THEMIS: variants seen among roughly 807,000 people sequenced by gnomAD.
The protein encoded by THEMIS is protein THEMIS.
THEMIS carries 37 observed loss-of-function variants against 52.6 expected under a neutral mutation model. The observed-to-expected ratio is 0.70, with a 90% confidence interval of 0.54 to 0.93. THEMIS has a LOEUF of 0.93. THEMIS is among the 40% of genes least tolerant of loss of function. THEMIS has a pLI of 0.00. For synonymous variants in THEMIS, 292 were observed against 272.7 expected (o/e 1.07, Z -0.70); for missense variants, 808 against 763.1 (o/e 1.06, Z -0.69).
intron 3 of THEMIS, among the ~76,000 whole-genome samples, chr6:127,819,557 TC>T (rs1215272494): frequency 1.3e-5 from 2 of 152,086 alleles, no homozygotes; most frequent in Non-Finnish European, 2.9e-5. Flanking sequence ...AAACACCTTA[TC>T]TATAGAGGAA....
At chr6:127,783,473 T>A (rs1222987650) in intron 4 of THEMIS, among the ~76,000 whole-genome samples, 1 of 152,028 alleles carries the variant, frequency 6.6e-6, no homozygotes, top group Non-Finnish European at 1.5e-5. Flanking sequence ...TGGGAGAAAA[T>A]TGTTGCAATC....
chr6:127,762,981 A>G (rs1480868060), intron 4 of THEMIS, among the ~76,000 whole-genome samples: 2 of 151,948 alleles, frequency 1.3e-5, no homozygotes, highest in African/African-American at 4.8e-5. Flanking sequence ...ATAATTGGAG[A>G]CCCATACAAC....
chr6:127,756,550 C>T (rs1775833926), intron 4 of THEMIS, among the ~76,000 whole-genome samples: 1 of 152,172 alleles, frequency 6.6e-6, no homozygotes, highest in Non-Finnish European at 1.5e-5. Flanking sequence ...CTCTGTCACT[C>T]AGCTGCATCA....
At chr6:127,842,143 G>T (rs1174831569) in intron 2 of THEMIS, among the ~76,000 whole-genome samples, 2 of 151,696 alleles carry the variant, frequency 1.3e-5, no homozygotes, top group Non-Finnish European at 2.9e-5. Flanking sequence ...TATATTTTTT[G>T]CATAATAATT....
At position 127,709,811 on chromosome 6, in the gene THEMIS, G is replaced by C; in HGVS notation, c.*174C>G. 1.7e-6 allele frequency: 1 copy of C among 588,750 alleles called. No individual in the cohort carries two copies. The highest frequency in any genetic ancestry group is 2.2e-5 in the South Asian group (1 of 46,370). The allele number at this position is 588,750 out of a possible 1,614,324, so 36.5% of individuals were successfully genotyped here. On this transcript the variant is annotated 3_prime_UTR_variant, in exon 6 of 6. Coordinates refer to ENST00000368248, the MANE Select transcript of THEMIS (RefSeq NM_001010923.3). ...TAGACTATATGAATTCTATATCATA[G>C]GTTTCTGTAAGTTTTATCTGTTAAA...
chr6:127,901,624 A>G (rs1246417167), upstream of THEMIS, among the ~76,000 whole-genome samples: 1 of 152,060 alleles, frequency 6.6e-6, no homozygotes, highest in Non-Finnish European at 1.5e-5. Flanking sequence ...TAAATTAACA[A>G]AGTACATTAA....
chr6:127,851,185 G>T (rs756720613), intron 2 of THEMIS, among the ~76,000 whole-genome samples: 1 of 151,244 alleles, frequency 6.6e-6, no homozygotes, highest in Non-Finnish European at 1.5e-5. Context: ...AAGAATAATA[G>T]GATTCCTAAA....
chr6:127,908,806 C>A (rs1781340595), intron 1 of THEMIS, among the ~76,000 whole-genome samples: 1 of 151,564 alleles, frequency 6.6e-6, no homozygotes, highest in Admixed American at 6.6e-5. Context: ...TTTCTCTTTT[C>A]TCTTTTTTTT....
chr6:127,778,643 C>T (rs1776642084), intron 4 of THEMIS, among the ~76,000 whole-genome samples: 1 of 152,094 alleles, frequency 6.6e-6, no homozygotes, highest in African/African-American at 2.4e-5. Flanking sequence ...CGACAGTGAT[C>T]TGATCTTTTT....
intron 4 of THEMIS, among the ~76,000 whole-genome samples, chr6:127,808,906 G>C (rs920526607): frequency 3.3e-5 from 5 of 152,146 alleles, no homozygotes; most frequent in Non-Finnish European, 5.9e-5. Flanking sequence ...AGCTTGTAGT[G>C]TTCATAACCA....
At chr6:127,783,743 C>T (rs914853471) in intron 4 of THEMIS, among the ~76,000 whole-genome samples, 1 of 152,122 alleles carries the variant, frequency 6.6e-6, no homozygotes, top group African/African-American at 2.4e-5. Flanking sequence ...ACAACAGATG[C>T]TGGAGAGGAT....
chr6:127,793,062 C>T (rs1049759651), intron 4 of THEMIS, among the ~76,000 whole-genome samples: 22 of 152,106 alleles, frequency 1.4e-4, no homozygotes, highest in African/African-American at 5.3e-4. Context: ...CAAATGTAAC[C>T]CCTTGAAATA....
At chr6:127,809,556 A>G (rs1033928312) in intron 4 of THEMIS, among the ~76,000 whole-genome samples, 9 of 152,158 alleles carry the variant, frequency 5.9e-5, no homozygotes, top group African/African-American at 1.7e-4. Flanking sequence ...ATAATGCTTT[A>G]TCTATCACAC....
intron 1 of THEMIS, among the ~76,000 whole-genome samples, chr6:127,910,220 GA>G (rs1240275398): frequency 6.6e-6 from 1 of 151,950 alleles, no homozygotes; most frequent in East Asian, 1.9e-4. Context: ...TTTTTATAAA[GA>G]ATTACAGTCA....
At chr6:127,767,703 T>C (rs1776247612) in intron 4 of THEMIS, among the ~76,000 whole-genome samples, 1 of 152,206 alleles carries the variant, frequency 6.6e-6, no homozygotes, top group Non-Finnish European at 1.5e-5. Flanking sequence ...TACTCTAGAA[T>C]AATGATAAAA....
chr6:127,767,576 G>T (rs1776243175), intron 4 of THEMIS, among the ~76,000 whole-genome samples: 1 of 152,062 alleles, frequency 6.6e-6, no homozygotes. Flanking sequence ...GACTTCAGGG[G>T]TAGTGCACAT....
chr6:127,769,859 G>A (rs746952355), intron 4 of THEMIS, among the ~76,000 whole-genome samples: 1 of 152,172 alleles, frequency 6.6e-6, no homozygotes, highest in Admixed American at 6.5e-5. Flanking sequence ...ACCTATGAGT[G>A]AGAACATGTG....
In THEMIS at chr6:127,906,744, A is replaced by G. The variant is rs142671461; in HGVS notation, c.-149-5663T>C. 8.3e-4 allele frequency among the ~76,000 whole-genome samples: 127 copies of G among 152,102 alleles called. 1 individual carries two copies. The highest frequency in any genetic ancestry group is 1.6e-3 in the Non-Finnish European group (112 of 67,934). On this transcript the variant is annotated intron_variant, in intron 1 of 6. Coordinates refer to the THEMIS transcript ENST00000368250. ...ATCTTTTTAAAATTTCTGCTAAAGA[A>G]CAGAGAAGGACTTGGCTATGAAATG...
At chr6:127,792,198 C>T (rs1450948459) in intron 4 of THEMIS, among the ~76,000 whole-genome samples, 1 of 152,186 alleles carries the variant, frequency 6.6e-6, no homozygotes, top group Non-Finnish European at 1.5e-5. Flanking sequence ...ATCAGTATTG[C>T]TCTGTCAATG....
Sources: allele counts gnomAD v4.1 joint callset (sites outside exome capture counted in the v4.1 genomes callset), GRCh38; gene constraint gnomAD v4.1.1; transcripts MANE v1.5; gene names NCBI Gene and HGNC (gene_info 2026-07-23, HGNC 2026-07-21).